Variants in SLIT2 observed in about 807,000 individuals in gnomAD.
SLIT2 encodes the protein slit guidance ligand 2.
Under a neutral mutation model 185.7 loss-of-function variants are expected in SLIT2, and 41 were observed. The ratio of observed to expected loss-of-function variants is 0.22; its 90% CI spans 0.17 to 0.29. The LOEUF is 0.29. Among genes scored for constraint, SLIT2 ranks in the 10% least tolerant of loss-of-function variants. The pLI, the probability that SLIT2 is intolerant of heterozygous loss-of-function variation, is 1.00. For missense variants in SLIT2, 1,571 were observed against 1,909.0 expected, an observed-to-expected ratio of 0.82 and a Z score of 3.30; for synonymous variants, 693 against 680.2, an observed-to-expected ratio of 1.02 and a Z score of -0.29.
chr4:20,253,745 G>A lies in SLIT2; in HGVS notation c.-71G>A. On this transcript the variant is annotated 5_prime_UTR_variant, in exon 1 of 37. Coordinates refer to ENST00000504154, the MANE Select transcript of SLIT2 (RefSeq NM_004787.4). ...CGCCGGGCACTGGGCCTCAGACACT[G>A]CGCGGTTCCCTCGGAGCAGCAAGCT... is the stretch of plus-strand genomic sequence containing the variant. 1 of 1,558,782 alleles carries A rather than the reference G, an allele frequency of 6.4e-7. No homozygotes were observed. Among genetic ancestry groups the A allele is most frequent in the Non-Finnish European group, 8.7e-7 (1 of 1,154,940 alleles).
chr4:20,569,580 T>C (rs1725392645), intron 29 of SLIT2, among the ~76,000 whole-genome samples: 1 of 152,088 alleles, frequency 6.6e-6, no homozygotes, highest in Non-Finnish European at 1.5e-5. Flanking sequence ...TTCCTCCCTA[T>C]TCAAACCAAT....
chr4:20,432,720 T>C (rs1214865801), intron 4 of SLIT2, among the ~76,000 whole-genome samples: 1 of 151,084 alleles, frequency 6.6e-6, no homozygotes, highest in African/African-American at 2.4e-5. Flanking sequence ...TCGGGCATTT[T>C]ACAAGCTGGA....
chr4:20,430,948 C>T (rs1728927993), intron 4 of SLIT2, among the ~76,000 whole-genome samples: 2 of 152,202 alleles, frequency 1.3e-5, no homozygotes, highest in South Asian at 4.1e-4. Context: ...TGCCAAGTAA[C>T]TGTCCAGAAG....
intron 26 of SLIT2, among the ~76,000 whole-genome samples, chr4:20,564,325 G>A (rs1724922458): frequency 6.6e-6 from 1 of 151,244 alleles, no homozygotes; most frequent in South Asian, 2.1e-4. Context: ...ATTATTTCAA[G>A]AGATTAGACT....
intron 4 of SLIT2, among the ~76,000 whole-genome samples, chr4:20,404,140 A>G (rs1577588321): frequency 6.6e-6 from 1 of 151,974 alleles, no homozygotes; most frequent in East Asian, 1.9e-4. Context: ...AGAACATACT[A>G]TCTGAATGTA....
rs190102647 is a variant in SLIT2 at position 20,287,366 on chromosome 4, A to G, written c.395+18485A>G. Among the ~76,000 whole-genome samples, 302 of 152,328 alleles carry G rather than the reference A, an allele frequency of 2.0e-3. 1 individual carries two copies. The highest frequency in any genetic ancestry group is 7.0e-3 in the African/African-American group (291 of 41,586). On this transcript the variant is annotated intron_variant, in intron 4 of 36. Coordinates refer to ENST00000504154, the MANE Select transcript of SLIT2 (RefSeq NM_004787.4). ...TGCGCCCCATTAGGAAGCCTCTCACAGTGGAGAGTCTAGCAGAGAATATCT... is the reference window on the plus strand; with the variant it reads ...TGCGCCCCATTAGGAAGCCTCTCACGGTGGAGAGTCTAGCAGAGAATATCT...
intron 18 of SLIT2, among the ~76,000 whole-genome samples, chr4:20,534,833 C>T (rs945800494): frequency 5.9e-5 from 9 of 152,138 alleles, no homozygotes; most frequent in African/African-American, 2.2e-4. Flanking sequence ...CAAATCCCCA[C>T]CCGCAAAGCC....
intron 20 of SLIT2, 149 bp downstream of exon 20, chr4:20,541,768 A>T (rs755377080): frequency 1.7e-5 from 11 of 660,582 alleles, no homozygotes; most frequent in Non-Finnish European, 2.8e-5. Flanking sequence ...TAGTGCCAGG[A>T]CACTTACTTT....
At chr4:20,293,267 C>T (rs1024270161) in intron 4 of SLIT2, among the ~76,000 whole-genome samples, 3 of 152,128 alleles carry the variant, frequency 2.0e-5, no homozygotes, top group Non-Finnish European at 2.9e-5. Context: ...TAAGATCATG[C>T]CCTGGGAAGA....
chr4:20,555,156 A>C lies in SLIT2; in HGVS notation c.2725+1188A>C, dbSNP rs563219941. On this transcript the variant is annotated intron_variant, in intron 26 of 36. Coordinates refer to ENST00000504154, the MANE Select transcript of SLIT2 (RefSeq NM_004787.4). Reference sequence around the variant, plus strand: ...AATGTTAAATGTCTAATCAGAAAATATTGATTAAGCATGTTTTATGTGCAA... The same window carrying C: ...AATGTTAAATGTCTAATCAGAAAATCTTGATTAAGCATGTTTTATGTGCAA... Among the ~76,000 whole-genome samples, 4 of 152,246 alleles carry C rather than the reference A, an allele frequency of 2.6e-5. No individual in the cohort carries two copies. The East Asian group carries it at 7.7e-4, about 29-fold the overall frequency.
rs752801064 is a variant in SLIT2 at position 20,568,825 on chromosome 4, A to G, written c.2949-40A>G. On this transcript the variant is annotated intron_variant, in intron 28 of 36. Transcript: ENST00000504154. ...TTAGACCACATGACTTTAAAATGCA[A>G]CAAAAAGATGTTTTTTGCCTTTTCT... is the stretch of plus-strand genomic sequence containing the variant. 2.5e-6 allele frequency: 4 copies of G among 1,591,780 alleles called. No individual in the cohort carries two copies. The South Asian group carries it at 4.5e-5, about 18-fold the overall frequency.
chr4:20,601,733 C>A (rs1320882072), intron 33 of SLIT2, among the ~76,000 whole-genome samples: 2 of 152,186 alleles, frequency 1.3e-5, no homozygotes, highest in Non-Finnish European at 2.9e-5. Context: ...GTAGTAAAAT[C>A]TATCAATAAC....
chr4:20,355,074 A>G (rs1011215920), intron 4 of SLIT2, among the ~76,000 whole-genome samples: 12 of 152,166 alleles, frequency 7.9e-5, no homozygotes, highest in Admixed American at 2.0e-4. Flanking sequence ...CGTGTTGATT[A>G]AAGTTATCAA....
At chr4:20,520,854 G>C (rs891795128) in intron 12 of SLIT2, among the ~76,000 whole-genome samples, 5 of 152,056 alleles carry the variant, frequency 3.3e-5, no homozygotes, top group Non-Finnish European at 7.4e-5. Flanking sequence ...AGACCAATGA[G>C]TCATGAGAAA....
intron 5 of SLIT2, among the ~76,000 whole-genome samples, chr4:20,470,453 T>C (rs1395658146): frequency 6.7e-6 from 1 of 149,576 alleles, no homozygotes; most frequent in Non-Finnish European, 1.5e-5. Flanking sequence ...AATGGTTAGA[T>C]TGGAAGAGTA....
chr4:20,520,167 T>A (rs1312215856), intron 12 of SLIT2, among the ~76,000 whole-genome samples: 1 of 151,792 alleles, frequency 6.6e-6, no homozygotes, highest in Non-Finnish European at 1.5e-5. Flanking sequence ...CACACAATAG[T>A]CCTCAGACTA....
At chr4:20,575,000 C>T (rs562509474) in intron 29 of SLIT2, among the ~76,000 whole-genome samples, 1 of 152,092 alleles carries the variant, frequency 6.6e-6, no homozygotes, top group Non-Finnish European at 1.5e-5. Context: ...ATTAATGCAT[C>T]TAATACCTTC....
At chr4:20,493,464 A>C (rs1717962956) in intron 9 of SLIT2, among the ~76,000 whole-genome samples, 1 of 152,222 alleles carries the variant, frequency 6.6e-6, no homozygotes, top group South Asian at 2.1e-4. Flanking sequence ...TCATCCATCA[A>C]GTGGTTAGCA....
intron 29 of SLIT2, among the ~76,000 whole-genome samples, chr4:20,576,458 T>C (rs999525018): frequency 7.2e-5 from 11 of 152,222 alleles, no homozygotes; most frequent in Non-Finnish European, 1.3e-4. Flanking sequence ...CTCTTGGATT[T>C]GGCTGAGTTG....
Sources: allele counts gnomAD v4.1 joint callset (sites outside exome capture counted in the v4.1 genomes callset), GRCh38; gene constraint gnomAD v4.1.1; transcripts MANE v1.5; gene names NCBI Gene and HGNC (gene_info 2026-07-23, HGNC 2026-07-21).